SPAG5: variants seen among roughly 807,000 people sequenced by gnomAD.
The protein encoded by SPAG5 is sperm-associated antigen 5.
In SPAG5, 99 loss-of-function variants were observed where a neutral mutation model predicts 145.4. The ratio of observed to expected loss-of-function variants is 0.68; its 90% CI spans 0.58 to 0.80. The LOEUF is 0.80. SPAG5 is among the 30% of genes least tolerant of loss of function. The pLI, the probability that SPAG5 is intolerant of heterozygous loss-of-function variation, is 0.00. For missense variants in SPAG5, 1,192 were observed against 1,416.0 expected (o/e 0.84, Z 2.54); for synonymous variants, 477 against 525.4 (o/e 0.91, Z 1.26).
At position 28,577,713 on chromosome 17, in the gene SPAG5, C is replaced by G. The variant is rs1211225934; in HGVS notation, c.3568G>C (p.Glu1190Gln). The change falls in exon 24 of 24, where the codon GAA becomes CAA. Residue 1190 changes from glutamate (E) to glutamine (Q), a missense_variant. Coordinates refer to ENST00000321765, the MANE Select transcript of SPAG5 (RefSeq NM_006461.4). Reference protein sequence around the residue: ...RGCKELQGLLEFLS With the variant: ...RGCKELQGLLQFLS ...CTTTCAGTTTCTTAGCTCAGAAATT[C>G]CAGCAATCCCTGTAGTTCTTTGCAT... 6.2e-7 allele frequency: 1 copy of G among 1,613,436 alleles called. No individual in the cohort carries two copies. The highest frequency in any genetic ancestry group is 1.3e-5 in the African/African-American group (1 of 74,890).
intron 15 of SPAG5, among the ~76,000 whole-genome samples, chr17:28,581,796 C>T (rs1487399530): frequency 1.3e-5 from 2 of 152,184 alleles, no homozygotes; most frequent in Non-Finnish European, 1.5e-5. Flanking sequence ...TCTGCCCTCC[C>T]GTCTGGGTGT....
chr17:28,584,629 T>TACACAC (rs112114466), intron 11 of SPAG5, 23 bp downstream of exon 11: 4 of 1,547,354 alleles, frequency 2.6e-6, no homozygotes, highest in Non-Finnish European at 3.6e-6. Flanking sequence ...CATGCATGCA[T>TACACAC]ACACACACAC....
In SPAG5 at chr17:28,578,020, T is replaced by G. The variant is rs779474828; in HGVS notation, c.3500A>C (p.His1167Pro). Residue 1167 changes from histidine (H) to proline (P), a missense_variant, in exon 23 of 24, where the codon CAT becomes CCT. Coordinates refer to ENST00000321765, the MANE Select transcript of SPAG5 (RefSeq NM_006461.4). ...CCCTCCTGCCTATACCTTATAAATA[T>G]GCTGAACAATGTCATCTAGTTTTTC... Reference protein sequence around the residue: ...ELEKLDDIVQHIYKTLLSIPE... With the variant: ...ELEKLDDIVQPIYKTLLSIPE... 2 of 1,613,678 alleles carry G rather than the reference T, an allele frequency of 1.2e-6. No individual in the cohort carries two copies. The highest frequency in any genetic ancestry group is 1.7e-6 in the Non-Finnish European group (2 of 1,179,538).
intron 15 of SPAG5, chr17:28,582,957 G>C (rs1246227146): frequency 6.6e-6 from 1 of 152,192 alleles, no homozygotes; most frequent in African/African-American, 2.4e-5. Context: ...AGGTAAACCA[G>C]GGAAGATTTC....
At chr17:28,580,542 C>G (rs1323135829) in intron 15 of SPAG5, 1 of 152,638 alleles carries the variant, frequency 6.6e-6, no homozygotes, top group African/African-American at 2.4e-5. Context: ...CCAATGGCAG[C>G]CTTACTTTCA....
At chr17:28,585,282 G>T in intron 9 of SPAG5, 37 bp downstream of exon 9, 2 of 1,610,918 alleles carry the variant, frequency 1.2e-6, no homozygotes, top group South Asian at 2.2e-5. Flanking sequence ...GACTTGATGT[G>T]AGTAAGGAAT....
At position 28,592,705 on chromosome 17, in the gene SPAG5, T is replaced by C; in HGVS notation, c.539A>G (p.Asp180Gly). Residue 180 changes from aspartate (D) to glycine (G), a missense_variant, in exon 3 of 24, where the codon GAC becomes GGC. By Grantham distance (94) the Asp-to-Gly change is moderately conservative (BLOSUM62 -1). Coordinates refer to ENST00000321765, the MANE Select transcript of SPAG5 (RefSeq NM_006461.4). ...VREEVAPCMGDRFSEVAAVSE... is the reference protein window; with the variant it reads ...VREEVAPCMGGRFSEVAAVSE... ...TACAGCAGCAACTTCTGAAAACCTG[T>C]CTCCCATGCAGGGTGCCACCTCCTC... 6.2e-7 allele frequency: 1 copy of C among 1,614,180 alleles called. No homozygotes were observed.
At chr17:28,593,732 AT>A (rs1297430450) in intron 2 of SPAG5, among the ~76,000 whole-genome samples, 4 of 152,074 alleles carry the variant, frequency 2.6e-5, no homozygotes, top group South Asian at 2.1e-4. Flanking sequence ...TCAAAAAAAA[AT>A]AAATAAATAA....
intron 2 of SPAG5, 69 bp from the exon 3 acceptor site, chr17:28,593,135 A>G: frequency 6.5e-7 from 1 of 1,531,398 alleles, no homozygotes; most frequent in Non-Finnish European, 8.8e-7. Flanking sequence ...TTACAGGTGC[A>G]AGATAGTGCA....
chr17:28,584,569 TTCCTTGC>T, intron 11 of SPAG5, 76 bp downstream of exon 11: 1 of 1,604,236 alleles, frequency 6.2e-7, no homozygotes, highest in Non-Finnish European at 8.5e-7. Flanking sequence ...TCCTGAGTAC[TTCCTTGC>T]TCTAGTGCCA....
intron 15 of SPAG5, among the ~76,000 whole-genome samples, chr17:28,583,068 C>T (rs1483070708): frequency 6.6e-6 from 1 of 152,200 alleles, no homozygotes; most frequent in Admixed American, 6.5e-5. Context: ...GCCTCAACTT[C>T]CCAGGCTCAG....
intron 2 of SPAG5, among the ~76,000 whole-genome samples, chr17:28,593,405 G>C (rs1373859946): frequency 6.6e-6 from 1 of 152,212 alleles, no homozygotes; most frequent in Non-Finnish European, 1.5e-5. Context: ...GGGGTCCATA[G>C]GGTGTGAGTG....
rs1284336418 is a variant in SPAG5, at chr17:28,596,826, C to T, written c.177+1684G>A. ...TTGAAATTAAAATTAAAAATTCAGGCCGGGCACAGTGGCTCACGCCTATAA... is the reference window on the plus strand; with the variant it reads ...TTGAAATTAAAATTAAAAATTCAGGTCGGGCACAGTGGCTCACGCCTATAA... On this transcript the variant is annotated intron_variant, in intron 2 of 23. Transcript: ENST00000321765. Among the ~76,000 whole-genome samples the T allele has an allele frequency of 2.0e-5, 3 of 152,196 alleles. No homozygotes were observed. The South Asian group carries it at 6.2e-4, about 31-fold the overall frequency.
chr17:28,592,917 G>A lies in SPAG5; in HGVS notation c.327C>T (p.Ser109=), dbSNP rs777000901. Residue 109 remains serine (S), a synonymous_variant, in exon 3 of 24, where the codon AGC becomes AGT. Transcript: ENST00000321765. The part of the protein sequence containing the change: ...EQPLDPIPQI[S]STPKTSEEAV... ...CTTCCTCAGACGTTTTAGGAGTAGA[G>A]CTAATTTGGGGAATTGGATCTAGAG... The A allele has an allele frequency of 6.2e-7, 1 of 1,614,182 alleles. No individual in the cohort carries two copies. Among genetic ancestry groups the A allele is most frequent in the Non-Finnish European group, 8.5e-7 (1 of 1,180,024 alleles).
chr17:28,583,757 A>G, intron 14 of SPAG5, 96 bp downstream of exon 14: 1 of 1,545,018 alleles, frequency 6.5e-7, no homozygotes, highest in Non-Finnish European at 8.7e-7. Flanking sequence ...GAGGCTCAAC[A>G]CTCACAGTTC....
chr17:28,591,402 G>A (rs1366997614), intron 4 of SPAG5, among the ~76,000 whole-genome samples: 1 of 152,182 alleles, frequency 6.6e-6, no homozygotes, highest in African/African-American at 2.4e-5. Context: ...CCTGAGTAGT[G>A]AGGCATGCAA....
chr17:28,587,440 G>T (rs1320319080), intron 4 of SPAG5, among the ~76,000 whole-genome samples: 2 of 151,332 alleles, frequency 1.3e-5, no homozygotes, highest in African/African-American at 4.9e-5. Flanking sequence ...CAGCTACTCC[G>T]GAGGCTGAGG....
chr17:28,584,189 G>A lies in SPAG5; in HGVS notation c.2373C>T (p.Val791=). The A allele has an allele frequency of 1.2e-6, 2 of 1,613,982 alleles. No individual in the cohort carries two copies. The highest frequency in any genetic ancestry group is 1.7e-6 in the Non-Finnish European group (2 of 1,180,022). Residue 791 remains valine (V), a synonymous_variant, in exon 13 of 24, where the codon GTC becomes GTT. Coordinates refer to ENST00000321765, the MANE Select transcript of SPAG5 (RefSeq NM_006461.4). ...MQAELQQQQA[V]LAKEVRDLKE... is the part of the protein sequence containing the mutation. ...TCAGGTCCCGCACCTCTTTGGCCAG[G>A]ACAGCTTGTTGCTGCTGCAGTTCTG...
rs1329260626 is a variant in SPAG5 at position 28,596,087 on chromosome 17, C to A, written c.177+2423G>T. On this transcript the variant is annotated intron_variant, in intron 2 of 23. Transcript: ENST00000321765. The stretch of plus-strand genomic sequence containing the variant: ...CAGGCGTGGTGGCACACACCGTAAT[C>A]CCAGCTACTTGGGAGGGTGAGGCAG... Among the ~76,000 whole-genome samples the A allele has an allele frequency of 2.6e-5, 4 of 151,954 alleles. No homozygotes were observed. The East Asian group carries it at 7.8e-4, about 29-fold the overall frequency.
Sources: gnomAD v4.1 joint callset for allele counts (sites outside exome capture counted in the v4.1 genomes callset) on GRCh38, gnomAD v4.1.1 for gene constraint, MANE v1.5 for transcripts, NCBI Gene and HGNC (gene_info 2026-07-23, HGNC 2026-07-21) for gene names.